The following PIWIL2 variants were observed in gnomAD, a reference collection of about 807,000 sequenced individuals.
PIWIL2 encodes the protein piwi like RNA-mediated gene silencing 2, also known as piwi-like protein 2.
In PIWIL2, 81 loss-of-function variants were observed where a neutral mutation model predicts 116.5. The ratio of observed to expected loss-of-function variants is 0.70; its 90% confidence interval spans 0.58 to 0.84. The LOEUF (loss-of-function observed/expected upper bound fraction) is 0.84. Ranked by LOEUF, PIWIL2 falls within the 40% of genes least tolerant of loss-of-function variation. The pLI is 0.00. For missense variants in PIWIL2, 1,272 were observed against 1,212.3 expected, an observed-to-expected ratio of 1.05 and a Z score of -0.73; for synonymous variants, 489 against 429.5, an observed-to-expected ratio of 1.14 and a Z score of -1.71.
chr8:22,313,802 C>T (rs1184781510), intron 16 of PIWIL2, among the ~76,000 whole-genome samples: 1 of 152,198 alleles, frequency 6.6e-6, no homozygotes, highest in African/African-American at 2.4e-5. Flanking sequence ...CAATATCATT[C>T]TGTCTCTTCA....
intron 20 of PIWIL2, among the ~76,000 whole-genome samples, chr8:22,324,724 G>T (rs946492631): frequency 6.6e-6 from 1 of 152,146 alleles, no homozygotes; most frequent in African/African-American, 2.4e-5. Context: ...TAAAGTCTTT[G>T]CATATGATTA....
intron 20 of PIWIL2, among the ~76,000 whole-genome samples, chr8:22,334,586 C>G (rs1489281654): frequency 6.6e-6 from 1 of 151,280 alleles, no homozygotes; most frequent in Non-Finnish European, 1.5e-5. Flanking sequence ...TTTGTCAATA[C>G]TAATGTATTT....
Position 22,354,280 on chromosome 8 carries a change from C to T in PIWIL2, c.2667C>T (p.Phe889=). 6.2e-6 allele frequency: 10 copies of T among 1,610,648 alleles called. No individual in the cohort carries two copies. The highest frequency in any genetic ancestry group is 7.6e-6 in the Non-Finnish European group (9 of 1,176,882). ...TGGTTTTCCTTCCTAGGGTGGATTT[C>T]TATCTTCTTGCCCATCATGTACGGC... ...HTITSCEWVD[F]YLLAHHVRQG... Residue 889 remains phenylalanine, a synonymous_variant, in exon 22 of 23, where the codon TTC becomes TTT. Coordinates refer to ENST00000356766, the MANE Select transcript of PIWIL2 (RefSeq NM_018068.5).
chr8:22,290,753 T>G (rs1830742914), intron 10 of PIWIL2, among the ~76,000 whole-genome samples: 1 of 150,446 alleles, frequency 6.6e-6, no homozygotes, highest in Admixed American at 6.7e-5. Flanking sequence ...CACCCAGCCC[T>G]GTTTAGATTT....
chr8:22,294,629 A>G (rs1586547865), intron 10 of PIWIL2, among the ~76,000 whole-genome samples: 1 of 128,810 alleles, frequency 7.8e-6, no homozygotes, highest in Middle Eastern at 3.7e-3. Flanking sequence ...CGACAGAGTG[A>G]GCAAGACTCT....
intron 6 of PIWIL2, among the ~76,000 whole-genome samples, chr8:22,285,805 C>G (rs1368542015): frequency 6.6e-6 from 1 of 152,062 alleles, no homozygotes; most frequent in Non-Finnish European, 1.5e-5. Flanking sequence ...CCATGCCTGG[C>G]TAATTTTTGT....
At chr8:22,287,106 G>T (rs905213311) in intron 6 of PIWIL2, among the ~76,000 whole-genome samples, 3 of 152,060 alleles carry the variant, frequency 2.0e-5, no homozygotes, top group African/African-American at 7.2e-5. Flanking sequence ...GGGAGATGGG[G>T]AGAAGTCTTC....
intron 15 of PIWIL2, among the ~76,000 whole-genome samples, chr8:22,310,751 CA>C (rs544413180): frequency 2.7e-3 from 416 of 152,236 alleles, no homozygotes; most frequent in Non-Finnish European, 4.5e-3. Context: ...CCAGTATAGC[CA>C]CTGTCCTGAC....
chr8:22,343,064 T>C (rs914131186), intron 20 of PIWIL2, among the ~76,000 whole-genome samples: 1 of 151,340 alleles, frequency 6.6e-6, no homozygotes, highest in African/African-American at 2.4e-5. Flanking sequence ...GCCAGGAGTT[T>C]GAGACCAGCC....
chr8:22,300,725 T>C (rs144980022), intron 10 of PIWIL2, among the ~76,000 whole-genome samples: 7 of 152,334 alleles, frequency 4.6e-5, no homozygotes, highest in African/African-American at 1.4e-4. Flanking sequence ...ATTGTGGTTT[T>C]GATTTACATT....
rs1831389824 is a variant in PIWIL2, at chr8:22,313,813, C to T, written c.1990-515C>T. ...CTGACAATATCATTCTGTCTCTTCACCAGAGTTAGGAGTGGCTGCTCATGA... is the reference window on the plus strand; with the variant it reads ...CTGACAATATCATTCTGTCTCTTCATCAGAGTTAGGAGTGGCTGCTCATGA... On this transcript the variant is annotated intron_variant, in intron 16 of 22. Transcript: ENST00000356766. Among the ~76,000 whole-genome samples the T allele has an allele frequency of 1.3e-5, 2 of 152,158 alleles. 1 individual carries two copies. The highest frequency in any genetic ancestry group is 4.1e-4 in the South Asian group (2 of 4,828).
intron 20 of PIWIL2, among the ~76,000 whole-genome samples, chr8:22,344,305 G>C (rs1349154281): frequency 6.6e-6 from 1 of 152,126 alleles, no homozygotes; most frequent in Non-Finnish European, 1.5e-5. Context: ...CCATAGAACT[G>C]TACAACACAA....
chr8:22,316,790 T>G (rs1200683552), intron 19 of PIWIL2, among the ~76,000 whole-genome samples: 1 of 151,940 alleles, frequency 6.6e-6, no homozygotes, highest in African/African-American at 2.4e-5. Context: ...CTATGAAATT[T>G]GTTTATGCAA....
rs771626363 is a variant in PIWIL2, at chr8:22,288,568, A to G, written c.888A>G (p.Lys296=). ...QQVLELKSQR[K]TDSAEISIKI... ...TTCTTGAGTTAAAAAGTCAAAGGAAAACAGACAGTGCTGAAATCAGCATTA... is the reference window on the plus strand; with the variant it reads ...TTCTTGAGTTAAAAAGTCAAAGGAAGACAGACAGTGCTGAAATCAGCATTA... The change falls in exon 8 of 23, where the codon AAA becomes AAG. Residue 296 remains lysine (K), a synonymous_variant. Coordinates refer to ENST00000356766, the MANE Select transcript of PIWIL2 (RefSeq NM_018068.5). The G allele has an allele frequency of 6.2e-7, 1 of 1,613,128 alleles. No individual in the cohort carries two copies. Among genetic ancestry groups the G allele is most frequent in the African/African-American group, 1.3e-5 (1 of 75,034 alleles).
intron 20 of PIWIL2, among the ~76,000 whole-genome samples, chr8:22,344,606 G>A (rs928530694): frequency 6.6e-6 from 1 of 152,160 alleles, no homozygotes; most frequent in African/African-American, 2.4e-5. Context: ...GATGGCTCAT[G>A]CCTGTAATCC....
At chr8:22,322,614 T>TTGTCC (rs887431753) in intron 20 of PIWIL2, among the ~76,000 whole-genome samples, 1 of 151,084 alleles carries the variant, frequency 6.6e-6, no homozygotes, top group Non-Finnish European at 1.5e-5. Context: ...CCATCCCATC[T>TTGTCC]TGTCCTGTCC....
At position 22,348,710 on chromosome 8, in the gene PIWIL2, G is replaced by A. The variant is rs186660530; in HGVS notation, c.2404-4249G>A. 3.1e-3 allele frequency among the ~76,000 whole-genome samples: 465 copies of A among 152,302 alleles called. 3 individuals are homozygous for A. The highest frequency in any genetic ancestry group is 3.7e-3 in the Non-Finnish European group (249 of 68,022). The stretch of plus-strand genomic sequence containing the variant: ...AGGCTGAGGCAGGAGGATCGCTTGA[G>A]CCCAGAAGGTTGAGTGACAGAGCAA... On this transcript the variant is annotated intron_variant, in intron 20 of 22. Coordinates refer to ENST00000356766, the MANE Select transcript of PIWIL2 (RefSeq NM_018068.5).
chr8:22,286,438 A>G (rs536806265), intron 6 of PIWIL2, among the ~76,000 whole-genome samples: 1 of 152,126 alleles, frequency 6.6e-6, no homozygotes, highest in South Asian at 2.1e-4. Flanking sequence ...AAGTGGGGGA[A>G]ATTGGATCCC....
At position 22,308,064 on chromosome 8, in the gene PIWIL2, T is replaced by C. The variant is rs369112149; in HGVS notation, c.1677T>C (p.Asp559=). The change falls in exon 14 of 23, where the codon GAT becomes GAC. Residue 559 remains aspartate (D), a synonymous_variant. Transcript: ENST00000356766. ...LMRWGLRLQK[D]VHKIEGRVLP... is the part of the protein sequence containing the mutation. The stretch of plus-strand genomic sequence containing the variant: ...GTTGGGGGCTCCGTCTGCAAAAGGA[T>C]GTACATAAGGTAAACCAAAAAACGT... 9 of 1,613,708 alleles carry C rather than the reference T, an allele frequency of 5.6e-6. No homozygotes were observed. Among genetic ancestry groups the C allele is most frequent in the Non-Finnish European group, 7.6e-6 (9 of 1,179,852 alleles).
Sources: gnomAD v4.1 joint callset for allele counts (sites outside exome capture counted in the v4.1 genomes callset) on GRCh38, gnomAD v4.1.1 for gene constraint, MANE v1.5 for transcripts, NCBI Gene and HGNC (gene_info 2026-07-23, HGNC 2026-07-21) for gene names.